Variants in TMEM217 observed in about 807,000 individuals in gnomAD.
The protein encoded by TMEM217 is chromosome 6 open reading frame 128.
For synonymous variants in TMEM217, 76 were observed against 88.3 expected, an observed-to-expected ratio of 0.86 and a Z score of 0.78; for missense variants, 204 against 248.8, an observed-to-expected ratio of 0.82 and a Z score of 1.21.
intron 1 of TMEM217, among the ~76,000 whole-genome samples, chr6:37,236,723 A>G (rs1410310581): frequency 1.3e-5 from 2 of 152,096 alleles, no homozygotes; most frequent in Non-Finnish European, 2.9e-5. Context: ...TTAGTAGCAT[A>G]AGATAACCAT....
intron 1 of TMEM217, among the ~76,000 whole-genome samples, chr6:37,242,937 G>T (rs1487035345): frequency 1.3e-5 from 2 of 151,972 alleles, no homozygotes; most frequent in Non-Finnish European, 2.9e-5. Context: ...AAAACCCCTA[G>T]CAGTCTTCTT....
At chr6:37,223,653 C>T (rs898247388) in intron 1 of TMEM217, among the ~76,000 whole-genome samples, 17 of 151,956 alleles carry the variant, frequency 1.1e-4, no homozygotes, top group South Asian at 2.1e-4. Flanking sequence ...GGATTACAAG[C>T]GTGTGCCACC....
intron 1 of TMEM217, among the ~76,000 whole-genome samples, chr6:37,252,749 C>T (rs546582846): frequency 6.6e-6 from 1 of 150,864 alleles, no homozygotes; most frequent in Non-Finnish European, 1.5e-5. Flanking sequence ...AAGTGATCCT[C>T]CCACCTCAGC....
chr6:37,249,821 C>G (rs1765303690), intron 1 of TMEM217, among the ~76,000 whole-genome samples: 1 of 152,166 alleles, frequency 6.6e-6, no homozygotes, highest in Non-Finnish European at 1.5e-5. Flanking sequence ...GTAGTATGAC[C>G]ACTTTGAAAA....
At chr6:37,229,398 A>G (rs1241093842) in intron 1 of TMEM217, among the ~76,000 whole-genome samples, 1 of 119,986 alleles carries the variant, frequency 8.3e-6, no homozygotes, top group Non-Finnish European at 1.6e-5. Context: ...GCTGGAGTGC[A>G]GCGGCGCGAT....
At position 37,218,474 on chromosome 6, in the gene TMEM217, C is replaced by T; in HGVS notation, c.557G>A (p.Ser186Asn). Residue 186 changes from serine to asparagine, a missense_variant, in exon 2 of 2, where the codon AGT becomes AAT. By Grantham distance (46) the Ser-to-Asn change is conservative (BLOSUM62 1). Coordinates refer to ENST00000357219, the Ensembl canonical transcript of TMEM217. ...TTCCAGGTGTGAGCCACTGAACCCA[C>T]TCGAAATTGATAATCTTTTATTTCT... is the stretch of plus-strand genomic sequence containing the variant. 2.5e-6 allele frequency: 4 copies of T among 1,613,822 alleles called. No individual in the cohort carries two copies. In the South Asian group the frequency reaches 3.3e-5, roughly 13 times the overall value.
In TMEM217 at chr6:37,229,635, C is replaced by A. The variant is rs570216342; in HGVS notation, c.-11-10594G>T. Reference sequence around the variant, plus strand: ...GGGATTACAGGCGTGAGCCACCGCGCCGGCCAATGTGCAACTTTCAGTTTT... The same window carrying A: ...GGGATTACAGGCGTGAGCCACCGCGACGGCCAATGTGCAACTTTCAGTTTT... On this transcript the variant is annotated intron_variant, in intron 1 of 1. Transcript: ENST00000357219. Among the ~76,000 whole-genome samples the A allele has an allele frequency of 7.9e-4, 121 of 152,266 alleles. 1 individual carries two copies. The highest frequency in any genetic ancestry group is 2.7e-3 in the African/African-American group (114 of 41,554).
rs919957614 is a variant in TMEM217 at position 37,245,233 on chromosome 6, C to T, written c.-12+12335G>A. 1.2e-4 allele frequency among the ~76,000 whole-genome samples: 19 copies of T among 152,346 alleles called. No individual in the cohort carries two copies. In the South Asian group the frequency reaches 3.9e-3, roughly 32 times the overall value. Reference sequence around the variant, plus strand: ...TTTTTCCTTACAGGGCGGTAGGTAGCCCCAACATCATAACACAGAGCTGGG... The same window carrying T: ...TTTTTCCTTACAGGGCGGTAGGTAGTCCCAACATCATAACACAGAGCTGGG... On this transcript the variant is annotated intron_variant, in intron 1 of 1. Coordinates refer to ENST00000357219, the Ensembl canonical transcript of TMEM217.
downstream of TMEM217, among the ~76,000 whole-genome samples, chr6:37,213,790 C>T (rs1763036531): frequency 6.6e-6 from 1 of 152,206 alleles, no homozygotes; most frequent in African/African-American, 2.4e-5. Context: ...AAACGTTCCT[C>T]CACAACCTGA....
intron 1 of TMEM217, among the ~76,000 whole-genome samples, chr6:37,226,414 T>G (rs1425684278): frequency 2.7e-5 from 4 of 148,834 alleles, no homozygotes; most frequent in African/African-American, 9.9e-5. Context: ...TGCCTCAGCC[T>G]CCCAAGTAGC....
intron 1 of TMEM217, among the ~76,000 whole-genome samples, chr6:37,227,591 C>T (rs530602420): frequency 5.3e-4 from 81 of 152,102 alleles, no homozygotes; most frequent in Middle Eastern, 3.4e-3. Flanking sequence ...GGACTACAGG[C>T]GCACACCACC....
exon 1 of TMEM217, chr6:37,257,630 C>T: frequency 2.3e-6 from 1 of 439,600 alleles, no homozygotes; most frequent in Non-Finnish European, 4.1e-6. Context: ...CCAAGCTCCG[C>T]CTTCCCCGTC....
At chr6:37,246,883 A>G (rs1438766521) in intron 1 of TMEM217, among the ~76,000 whole-genome samples, 3 of 145,356 alleles carry the variant, frequency 2.1e-5, no homozygotes, top group Non-Finnish European at 4.5e-5. Flanking sequence ...AGCCTGGGCA[A>G]CAGAGCAAGA....
rs117944280 is a variant in TMEM217, at chr6:37,249,127, T to G, written c.-12+8441A>C. 3.7e-3 allele frequency among the ~76,000 whole-genome samples: 560 copies of G among 152,330 alleles called. 13 individuals carry two copies. In the East Asian group the frequency reaches 0.049, roughly 13 times the overall value. ...ATGATCTCATCTCAAAATCTTTAAC[T>G]TAATATCTGTTAAAGATCCTTTTTC... On this transcript the variant is annotated intron_variant, in intron 1 of 1. Coordinates refer to ENST00000357219, the Ensembl canonical transcript of TMEM217.
chr6:37,232,408 C>T (rs774684854), intron 1 of TMEM217, among the ~76,000 whole-genome samples: 9 of 151,902 alleles, frequency 5.9e-5, no homozygotes, highest in Non-Finnish European at 1.0e-4. Context: ...TTTTTTGAGA[C>T]GGAGTCTCGC....
At chr6:37,215,327 A>C, downstream of TMEM217, 1 of 1,599,376 alleles carries the variant, frequency 6.3e-7, no homozygotes, top group Non-Finnish European at 8.5e-7. Context: ...TTTTTAATTA[A>C]GAGAAAAGAA....
chr6:37,244,167 G>A (rs1158578503), intron 1 of TMEM217, among the ~76,000 whole-genome samples: 1 of 152,178 alleles, frequency 6.6e-6, no homozygotes, highest in Non-Finnish European at 1.5e-5. Context: ...GTTTTGGGAA[G>A]GGCTATTGTC....
chr6:37,241,849 A>G (rs1764785178), intron 1 of TMEM217, among the ~76,000 whole-genome samples: 1 of 151,968 alleles, frequency 6.6e-6, no homozygotes, highest in Non-Finnish European at 1.5e-5. Flanking sequence ...ACCTCTTCTC[A>G]CTCCTTTTCC....
intron 1 of TMEM217, among the ~76,000 whole-genome samples, chr6:37,246,981 G>C (rs1177862345): frequency 1.3e-5 from 2 of 152,100 alleles, no homozygotes; most frequent in Non-Finnish European, 2.9e-5. Flanking sequence ...GCATGGTTAG[G>C]AGTTTGGATT....
Sources: allele counts gnomAD v4.1 joint callset (sites outside exome capture counted in the v4.1 genomes callset), GRCh38; gene constraint gnomAD v4.1.1; transcripts MANE v1.5; gene names NCBI Gene and HGNC (gene_info 2026-07-23, HGNC 2026-07-21).